Variants in RBFOX1 observed in about 807,000 individuals in gnomAD.
RBFOX1 encodes the protein RNA binding protein fox-1 homolog 1.
Under a neutral mutation model 57.7 loss-of-function variants are expected in RBFOX1, and 8 were observed. The ratio of observed to expected loss-of-function variants is 0.14; its 90% CI spans 0.08 to 0.25. The LOEUF is 0.25. RBFOX1 is among the 10% of genes least tolerant of loss of function. The pLI, the probability that RBFOX1 is intolerant of heterozygous loss-of-function variation, is 1.00. For synonymous variants in RBFOX1, 326 were observed against 222.4 expected (o/e 1.47, Z -4.15); for missense variants, 611 against 548.5 (o/e 1.11, Z -1.14).
chr16:7,045,520 C>A (rs544167771), intron 3 of RBFOX1, among the ~76,000 whole-genome samples: 38 of 152,176 alleles, frequency 2.5e-4, no homozygotes, highest in Admixed American at 7.2e-4. Context: ...AATGTGGTGC[C>A]ACTTCACATG....
chr16:5,817,735 C>T (rs1206096310), intron 3 of RBFOX1, among the ~76,000 whole-genome samples: 1 of 149,778 alleles, frequency 6.7e-6, no homozygotes, highest in African/African-American at 2.5e-5. Flanking sequence ...CTTGCTGTCA[C>T]CCAGGCTGGA....
chr16:7,342,350 T>TGGCATCCTGGCTC (rs2096914331), intron 4 of RBFOX1, among the ~76,000 whole-genome samples: 1 of 152,166 alleles, frequency 6.6e-6, no homozygotes, highest in Non-Finnish European at 1.5e-5. Flanking sequence ...GCATCTGAGT[T>TGGCATCCTGGCTC]GGCATCCTGG....
chr16:6,234,162 C>T (rs1229092090), intron 1 of RBFOX1, among the ~76,000 whole-genome samples: 1 of 152,200 alleles, frequency 6.6e-6, no homozygotes, highest in Non-Finnish European at 1.5e-5. Context: ...CACCTCTTTT[C>T]ACCATCACAG....
chr16:7,559,059 C>A (rs1033577672), intron 5 of RBFOX1, among the ~76,000 whole-genome samples: 1 of 152,148 alleles, frequency 6.6e-6, no homozygotes, highest in African/African-American at 2.4e-5. Context: ...AGGTAGTAAT[C>A]CTATTTCCCT....
intron 4 of RBFOX1, among the ~76,000 whole-genome samples, chr16:7,279,089 CTTTTT>C (rs200732239): frequency 7.3e-6 from 1 of 136,508 alleles, no homozygotes; most frequent in African/African-American, 2.7e-5. Context: ...TCTGGAGACT[CTTTTT>C]TTTTTTTAAT....
At chr16:7,458,197 G>C (rs1215800215) in intron 4 of RBFOX1, among the ~76,000 whole-genome samples, 1 of 152,170 alleles carries the variant, frequency 6.6e-6, no homozygotes, top group African/African-American at 2.4e-5. Flanking sequence ...GCATTACAAA[G>C]ACAGGGACCT....
chr16:5,923,055 T>C (rs1166919507), intron 4 of RBFOX1, among the ~76,000 whole-genome samples: 2 of 152,146 alleles, frequency 1.3e-5, no homozygotes, highest in African/African-American at 4.8e-5. Flanking sequence ...AGGCCTTGGA[T>C]GGTTTTCACA....
intron 4 of RBFOX1, among the ~76,000 whole-genome samples, chr16:7,079,397 C>T (rs537531708): frequency 4.6e-5 from 7 of 152,282 alleles, no homozygotes; most frequent in Admixed American, 3.3e-4. Flanking sequence ...ACACAGAATG[C>T]TTCATATGGA....
At chr16:7,283,631 G>A (rs1275818891) in intron 4 of RBFOX1, among the ~76,000 whole-genome samples, 1 of 152,070 alleles carries the variant, frequency 6.6e-6, no homozygotes, top group Non-Finnish European at 1.5e-5. Flanking sequence ...CTCAGAAGCT[G>A]TATCCTTACT....
At chr16:6,227,447 C>T (rs1196048899) in intron 1 of RBFOX1, among the ~76,000 whole-genome samples, 1 of 152,114 alleles carries the variant, frequency 6.6e-6, no homozygotes, top group African/African-American at 2.4e-5. Flanking sequence ...CAAAAACAAA[C>T]AACAGTAGCA....
chr16:5,603,986 A>C (rs1329628947), downstream of RBFOX1, among the ~76,000 whole-genome samples: 1 of 152,132 alleles, frequency 6.6e-6, no homozygotes, highest in Non-Finnish European at 1.5e-5. Flanking sequence ...CTCCCCTCCT[A>C]TACCCAAGGC....
At chr16:7,004,238 A>G (rs1387499954) in intron 3 of RBFOX1, 1 of 152,212 alleles carries the variant, frequency 6.6e-6, no homozygotes, top group Non-Finnish European at 1.5e-5. Context: ...AATCTTATGC[A>G]TAGAAGAATA....
At chr16:7,694,255 G>GACCTTCAGACACATACATTAAACTGAA (rs2078097337) in intron 14 of RBFOX1, among the ~76,000 whole-genome samples, 1 of 152,170 alleles carries the variant, frequency 6.6e-6, no homozygotes, top group Non-Finnish European at 1.5e-5. Context: ...AGCATCCCAT[G>GACCTTCAGACACATACATTAAACTGAA]ACCTTCAGAC....
chr16:7,636,525 A>G (rs996568415), intron 11 of RBFOX1, among the ~76,000 whole-genome samples: 3 of 152,216 alleles, frequency 2.0e-5, no homozygotes, highest in Admixed American at 1.3e-4. Flanking sequence ...GATGTTGCTC[A>G]GATTCCACCA....
chr16:7,395,370 C>A (rs1356932650), intron 4 of RBFOX1, among the ~76,000 whole-genome samples: 2 of 152,208 alleles, frequency 1.3e-5, no homozygotes, highest in Non-Finnish European at 2.9e-5. Context: ...ACTACTAATT[C>A]CCCTTTTAGT....
intron 3 of RBFOX1, among the ~76,000 whole-genome samples, chr16:5,856,778 G>A (rs1429431045): frequency 6.6e-6 from 1 of 151,268 alleles, no homozygotes; most frequent in African/African-American, 2.4e-5. Context: ...TAGAATTGAA[G>A]AGAGTTAGGG....
intron 2 of RBFOX1, among the ~76,000 whole-genome samples, chr16:6,423,610 A>C (rs1205121444): frequency 1.3e-5 from 2 of 152,138 alleles, no homozygotes; most frequent in African/African-American, 4.8e-5. Flanking sequence ...CTCAAAATAA[A>C]AAATAAAAAA....
At chr16:6,391,741 G>T (rs1229136934) in intron 2 of RBFOX1, among the ~76,000 whole-genome samples, 2 of 152,148 alleles carry the variant, frequency 1.3e-5, no homozygotes, top group Non-Finnish European at 2.9e-5. Context: ...GGACCAGATG[G>T]ATGGGCAGGG....
At chr16:7,662,038 G>C (rs1307335330) in intron 12 of RBFOX1, among the ~76,000 whole-genome samples, 1 of 152,080 alleles carries the variant, frequency 6.6e-6, no homozygotes, top group Non-Finnish European at 1.5e-5. Context: ...TGAAAGAAGG[G>C]ATCAGTTTCT....
Sources: allele counts gnomAD v4.1 joint callset (sites outside exome capture counted in the v4.1 genomes callset), GRCh38; gene constraint gnomAD v4.1.1; transcripts MANE v1.5; gene names NCBI Gene and HGNC (gene_info 2026-07-23, HGNC 2026-07-21).